Variants in MAML2 observed in about 807,000 individuals in gnomAD.
MAML2 encodes the protein mastermind like transcriptional coactivator 2.
In MAML2, 22 loss-of-function variants were observed where a neutral mutation model predicts 96.1. The ratio of observed to expected loss-of-function variants is 0.23; its 90% CI spans 0.16 to 0.33. MAML2 has a LOEUF of 0.33. Ranked by LOEUF, MAML2 falls within the 10% of genes least tolerant of loss-of-function variation. The pLI is 1.00. For synonymous variants in MAML2, 561 were observed against 521.3 expected (o/e 1.08, Z -1.04); for missense variants, 1,367 against 1,392.4 (o/e 0.98, Z 0.29).
chr11:96,081,150 G>T (rs1388267599), intron 2 of MAML2, among the ~76,000 whole-genome samples: 2 of 152,100 alleles, frequency 1.3e-5, no homozygotes, highest in African/African-American at 4.8e-5. Context: ...GATAAGGGAT[G>T]AAAGACGTGT....
At chr11:96,090,019 A>G (rs374654889) in intron 2 of MAML2, among the ~76,000 whole-genome samples, 16 of 45,340 alleles carry the variant, frequency 3.5e-4, no homozygotes, top group East Asian at 3.0e-3. Flanking sequence ...ACATGGAAAT[A>G]ATGGCATTTC....
intron 1 of MAML2, 139 bp downstream of exon 1, chr11:96,341,244 A>G: frequency 1.0e-6 from 1 of 959,892 alleles, no homozygotes; most frequent in Non-Finnish European, 1.5e-6. Flanking sequence ...ACCCGAACAC[A>G]CCCAATGGCC....
chr11:96,231,042 AC>A (rs1862286304), intron 1 of MAML2, among the ~76,000 whole-genome samples: 1 of 151,474 alleles, frequency 6.6e-6, no homozygotes, highest in Admixed American at 6.6e-5. Context: ...GTATTTAATG[AC>A]AAGCGAATAG....
intron 2 of MAML2, among the ~76,000 whole-genome samples, chr11:96,018,117 G>A (rs1858383799): frequency 6.6e-6 from 1 of 152,204 alleles, no homozygotes; most frequent in Non-Finnish European, 1.5e-5. Context: ...TCTGACGGTA[G>A]AGCCACTAAT....
In MAML2 at chr11:95,998,174, G is replaced by GTCTGTCTGTCTGTCTGTCTGTCTA. The variant is rs139615820; in HGVS notation, c.2140-6452_2140-6451insTAGACAGACAGACAGACAGACAGA. ...TGTCTGTCTGTCTGTCTGTCTGTCT[G>GTCTGTCTGTCTGTCTGTCTGTCTA]TCTATCTATCTATCCACCCCATCCA... On this transcript the variant is annotated intron_variant, in intron 2 of 4. Transcript: ENST00000524717. Among the ~76,000 whole-genome samples, 293 of 147,800 alleles carry GTCTGTCTGTCTGTCTGTCTGTCTA rather than the reference G, an allele frequency of 2.0e-3. 2 individuals are homozygous for GTCTGTCTGTCTGTCTGTCTGTCTA. Among genetic ancestry groups the GTCTGTCTGTCTGTCTGTCTGTCTA allele is most frequent in the African/African-American group, 6.6e-3 (262 of 39,672 alleles).
intron 2 of MAML2, among the ~76,000 whole-genome samples, chr11:96,057,295 C>A (rs547450360): frequency 3.0e-4 from 45 of 152,242 alleles, no homozygotes; most frequent in Admixed American, 1.0e-3. Flanking sequence ...GAGTTGATAT[C>A]CCCTGCATGC....
At chr11:96,182,952 C>G (rs1261952543) in intron 1 of MAML2, among the ~76,000 whole-genome samples, 2 of 125,386 alleles carry the variant, frequency 1.6e-5, no homozygotes, top group Non-Finnish European at 3.3e-5. Flanking sequence ...GACATCCTTT[C>G]TTTTCTTTTT....
intron 1 of MAML2, among the ~76,000 whole-genome samples, chr11:96,160,762 C>T (rs1461371098): frequency 6.6e-6 from 1 of 152,142 alleles, no homozygotes; most frequent in African/African-American, 2.4e-5. Flanking sequence ...GACTAACACT[C>T]CCCAATTTAA....
chr11:96,139,976 A>C (rs1460113411), intron 1 of MAML2, among the ~76,000 whole-genome samples: 2 of 152,246 alleles, frequency 1.3e-5, no homozygotes, highest in Non-Finnish European at 2.9e-5. Flanking sequence ...AGGAAGCTGC[A>C]GAAAATGAGG....
chr11:95,997,495 T>C (rs964026051), intron 2 of MAML2, among the ~76,000 whole-genome samples: 1 of 152,192 alleles, frequency 6.6e-6, no homozygotes, highest in African/African-American at 2.4e-5. Flanking sequence ...GTCTTTAGAA[T>C]TATTAAGTTC....
chr11:96,090,866 T>C (rs1859692593), intron 2 of MAML2, among the ~76,000 whole-genome samples: 1 of 152,212 alleles, frequency 6.6e-6, no homozygotes, highest in Non-Finnish European at 1.5e-5. Context: ...CTAGGAATGT[T>C]ATTGGAATTA....
intron 1 of MAML2, among the ~76,000 whole-genome samples, chr11:96,098,294 C>T (rs1238972841): frequency 6.6e-6 from 1 of 152,148 alleles, no homozygotes; most frequent in Non-Finnish European, 1.5e-5. Flanking sequence ...AGTTCTGAAC[C>T]ATATCCTATC....
intron 2 of MAML2, among the ~76,000 whole-genome samples, chr11:96,031,026 G>T (rs999997204): frequency 6.6e-6 from 1 of 152,166 alleles, no homozygotes; most frequent in Non-Finnish European, 1.5e-5. Flanking sequence ...TAAGAGTTTG[G>T]TTAGGAGTCA....
At chr11:96,283,356 G>A (rs1425691936) in intron 1 of MAML2, among the ~76,000 whole-genome samples, 1 of 152,158 alleles carries the variant, frequency 6.6e-6, no homozygotes, top group African/African-American at 2.4e-5. Flanking sequence ...TTGTAGATGT[G>A]TGAGTTTAAT....
intron 1 of MAML2, among the ~76,000 whole-genome samples, chr11:96,173,605 G>A (rs1565237494): frequency 1.3e-5 from 2 of 152,180 alleles, no homozygotes; most frequent in South Asian, 2.1e-4. Context: ...AGAATAACTC[G>A]TAAGAGGAAG....
At chr11:96,218,164 G>T (rs543855713) in intron 1 of MAML2, among the ~76,000 whole-genome samples, 1 of 152,146 alleles carries the variant, frequency 6.6e-6, no homozygotes, top group African/African-American at 2.4e-5. Context: ...TAGAAAAAAC[G>T]TTTGGTGTGC....
At chr11:96,115,692 T>C (rs1407481528) in intron 1 of MAML2, among the ~76,000 whole-genome samples, 2 of 151,926 alleles carry the variant, frequency 1.3e-5, no homozygotes, top group Non-Finnish European at 1.5e-5. Flanking sequence ...AATGAATACA[T>C]AAAATGTCAG....
intron 1 of MAML2, among the ~76,000 whole-genome samples, chr11:96,321,139 T>C (rs1392713338): frequency 1.3e-5 from 2 of 152,160 alleles, no homozygotes; most frequent in Non-Finnish European, 2.9e-5. Flanking sequence ...CCTGAAAACA[T>C]ACTTCCAGAT....
At chr11:96,318,865 T>C (rs1221117530) in intron 1 of MAML2, among the ~76,000 whole-genome samples, 1 of 152,204 alleles carries the variant, frequency 6.6e-6, no homozygotes, top group South Asian at 2.1e-4. Context: ...GAAGAGGACA[T>C]GGTAACCTGG....
Sources: allele counts gnomAD v4.1 joint callset (sites outside exome capture counted in the v4.1 genomes callset), GRCh38; gene constraint gnomAD v4.1.1; transcripts MANE v1.5; gene names NCBI Gene and HGNC (gene_info 2026-07-23, HGNC 2026-07-21).